Variants in TAFA1 observed in about 807,000 individuals in gnomAD.
TAFA1 encodes TAFA chemokine like family member 1.
A neutral mutation model predicts 18.5 loss-of-function variants in TAFA1; 4 were observed. That is an observed-to-expected ratio of 0.22 (90% CI 0.11 to 0.49). TAFA1 has a LOEUF of 0.49. TAFA1 is among the 20% of genes least tolerant of loss of function. The pLI, the probability that TAFA1 is intolerant of heterozygous loss-of-function variation, is 0.98. For synonymous variants in TAFA1, 56 were observed against 55.2 expected, an observed-to-expected ratio of 1.01 and a Z score of -0.06; for missense variants, 147 against 169.0, an observed-to-expected ratio of 0.87 and a Z score of 0.72.
At chr3:68,147,009 G>GTA (rs1325728853) in intron 2 of TAFA1, among the ~76,000 whole-genome samples, 172 of 148,082 alleles carry the variant, frequency 1.2e-3, no homozygotes, top group Non-Finnish European at 1.7e-3. Flanking sequence ...TCTTGTGTGT[G>GTA]TATATATATA....
chr3:68,092,069 G>C (rs74987541), intron 2 of TAFA1, among the ~76,000 whole-genome samples: 2,757 of 152,096 alleles, frequency 0.018, 97 homozygotes, highest in African/African-American at 0.062. Flanking sequence ...CAAAACATAA[G>C]CCCAAATTCT....
At chr3:68,114,332 CAGA>C (rs1054004518) in intron 2 of TAFA1, among the ~76,000 whole-genome samples, 46 of 152,120 alleles carry the variant, frequency 3.0e-4, no homozygotes, top group Admixed American at 2.9e-3. Flanking sequence ...TAGCCTAGAG[CAGA>C]AGAACTATGA....
chr3:68,441,643 G>A lies in TAFA1; in HGVS notation c.259+24223G>A, dbSNP rs116370325. Among the ~76,000 whole-genome samples, 830 of 152,196 alleles carry A rather than the reference G, an allele frequency of 5.5e-3. 8 individuals carry two copies. The highest frequency in any genetic ancestry group is 0.019 in the African/African-American group (807 of 41,530). On this transcript the variant is annotated intron_variant, in intron 3 of 4. Coordinates refer to ENST00000478136, the MANE Select transcript of TAFA1 (RefSeq NM_213609.4). The stretch of plus-strand genomic sequence containing the variant: ...ACATGATCGGGCTCGAGAAGGTCCT[G>A]AAGGCACAAGTAAGTTACATCAGGA...
intron 2 of TAFA1, among the ~76,000 whole-genome samples, chr3:68,289,679 G>A (rs2068075392): frequency 1.3e-5 from 2 of 152,236 alleles, no homozygotes; most frequent in Admixed American, 1.3e-4. Context: ...GTAGTTGGAT[G>A]TGATCTGTGT....
At chr3:68,031,859 C>T (rs1196704998) in intron 2 of TAFA1, among the ~76,000 whole-genome samples, 1 of 152,064 alleles carries the variant, frequency 6.6e-6, no homozygotes, top group African/African-American at 2.4e-5. Flanking sequence ...CTAGATATTG[C>T]TTGAATCATA....
At chr3:68,215,932 G>T (rs2066651532) in intron 2 of TAFA1, among the ~76,000 whole-genome samples, 1 of 151,952 alleles carries the variant, frequency 6.6e-6, no homozygotes, top group East Asian at 1.9e-4. Flanking sequence ...TCAGTGAATT[G>T]ATAAACAAAC....
chr3:68,010,112 T>A (rs1353884127), intron 2 of TAFA1, among the ~76,000 whole-genome samples: 1 of 152,164 alleles, frequency 6.6e-6, no homozygotes, highest in Non-Finnish European at 1.5e-5. Flanking sequence ...ATACCAAGTA[T>A]CTGGGAAATG....
intron 2 of TAFA1, among the ~76,000 whole-genome samples, chr3:68,292,472 A>G (rs905574751): frequency 1.3e-5 from 2 of 151,574 alleles, no homozygotes; most frequent in Admixed American, 6.6e-5. Flanking sequence ...TAAGATTTTC[A>G]TTTACATATG....
chr3:68,088,005 G>A (rs912906173), intron 2 of TAFA1, among the ~76,000 whole-genome samples: 2 of 151,856 alleles, frequency 1.3e-5, no homozygotes, highest in Non-Finnish European at 2.9e-5. Context: ...TTTGTCTTTC[G>A]GTACTACTAT....
intron 2 of TAFA1, among the ~76,000 whole-genome samples, chr3:68,374,088 T>A (rs563595909): frequency 6.6e-6 from 1 of 152,118 alleles, no homozygotes; most frequent in Non-Finnish European, 1.5e-5. Flanking sequence ...ACCCTCCTCT[T>A]TGCATCTCTA....
chr3:68,179,016 G>T (rs915262683), intron 2 of TAFA1, among the ~76,000 whole-genome samples: 10 of 152,134 alleles, frequency 6.6e-5, no homozygotes, highest in Admixed American at 3.9e-4. Flanking sequence ...TGTTTTTACT[G>T]TTAACATATC....
At chr3:68,494,272 G>A (rs1212671217) in intron 3 of TAFA1, among the ~76,000 whole-genome samples, 1 of 152,062 alleles carries the variant, frequency 6.6e-6, no homozygotes, top group African/African-American at 2.4e-5. Flanking sequence ...TGGCTAATTG[G>A]TATAAGTTTT....
At chr3:68,326,188 T>A (rs1376870540) in intron 2 of TAFA1, among the ~76,000 whole-genome samples, 1 of 152,224 alleles carries the variant, frequency 6.6e-6, no homozygotes, top group Non-Finnish European at 1.5e-5. Context: ...AACAAGGAAT[T>A]AACATTTTCA....
At chr3:68,072,063 A>G (rs2106750805) in intron 2 of TAFA1, among the ~76,000 whole-genome samples, 1 of 152,366 alleles carries the variant, frequency 6.6e-6, no homozygotes, top group Non-Finnish European at 1.5e-5. Flanking sequence ...CACTGAAATA[A>G]TTAAATAGAC....
chr3:68,228,009 A>G (rs2066824986), intron 2 of TAFA1, among the ~76,000 whole-genome samples: 1 of 152,204 alleles, frequency 6.6e-6, no homozygotes, highest in Admixed American at 6.5e-5. Context: ...AGACAGGTTG[A>G]CAAGTGCATA....
At chr3:68,069,313 G>A (rs1431423262) in intron 2 of TAFA1, among the ~76,000 whole-genome samples, 1 of 152,208 alleles carries the variant, frequency 6.6e-6, no homozygotes, top group African/African-American at 2.4e-5. Context: ...ATTTTATGTG[G>A]ATGGTGGCAG....
At chr3:68,400,874 A>G (rs1181817374) in intron 2 of TAFA1, among the ~76,000 whole-genome samples, 1 of 152,208 alleles carries the variant, frequency 6.6e-6, no homozygotes, top group Admixed American at 6.5e-5. Flanking sequence ...TCATTTTTAT[A>G]CCATTGACGA....
chr3:68,044,639 T>G (rs973206879), intron 2 of TAFA1, among the ~76,000 whole-genome samples: 1 of 152,156 alleles, frequency 6.6e-6, no homozygotes, highest in Non-Finnish European at 1.5e-5. Flanking sequence ...ATATTGACAT[T>G]GATAGTCAAA....
chr3:68,540,034 C>G (rs2073347046), intron 4 of TAFA1, among the ~76,000 whole-genome samples: 1 of 152,112 alleles, frequency 6.6e-6, no homozygotes, highest in East Asian at 1.9e-4. Flanking sequence ...TTTCCCACCC[C>G]TTATTATTAA....
Sources: allele counts gnomAD v4.1 joint callset (sites outside exome capture counted in the v4.1 genomes callset), GRCh38; gene constraint gnomAD v4.1.1; transcripts MANE v1.5; gene names NCBI Gene and HGNC (gene_info 2026-07-23, HGNC 2026-07-21).